ABTB3: variants seen among roughly 807,000 people sequenced by gnomAD.
ABTB3 encodes ankyrin repeat- and BTB/POZ domain-containing protein 3.
the ABTB3 span, among the ~76,000 whole-genome samples, chr12:107,409,141 T>C: frequency 6.6e-6 from 1 of 152,278 alleles, no homozygotes. Context: ...TCTCTCCGTC[T>C]CTCTTTCTGG....
At chr12:107,488,449 G>A in the ABTB3 span, among the ~76,000 whole-genome samples, 1 of 152,052 alleles carries the variant, frequency 6.6e-6, no homozygotes, top group African/African-American at 2.4e-5. Flanking sequence ...TACCTCATTG[G>A]AAAGGTGTAA....
At chr12:107,462,780 T>G in the ABTB3 span, among the ~76,000 whole-genome samples, 9 of 151,092 alleles carry the variant, frequency 6.0e-5, no homozygotes, top group Admixed American at 5.9e-4. Flanking sequence ...GTGATGATGA[T>G]GTAGTCACAG....
chr12:107,656,887 A>G, the ABTB3 span, among the ~76,000 whole-genome samples: 5 of 152,122 alleles, frequency 3.3e-5, no homozygotes, highest in African/African-American at 1.2e-4. Context: ...TTTCTAAGCC[A>G]GGTGCAGTGG....
the ABTB3 span, among the ~76,000 whole-genome samples, chr12:107,497,520 C>CCACCACCATCATCCCACAACCAACAG: frequency 6.6e-6 from 1 of 151,900 alleles, no homozygotes; most frequent in Non-Finnish European, 1.5e-5. Context: ...CCACACCATC[C>CCACCACCATCATCCCACAACCAACAG]CACCACCATC....
chr12:107,320,149 C>T, the ABTB3 span: 12 of 1,354,360 alleles, frequency 8.9e-6, no homozygotes, highest in Non-Finnish European at 5.8e-6. Flanking sequence ...CCTCGCGTCC[C>T]CCTCCCGCGT....
chr12:107,654,785 A>T, the ABTB3 span, among the ~76,000 whole-genome samples: 1 of 150,186 alleles, frequency 6.7e-6, no homozygotes, highest in Non-Finnish European at 1.5e-5. Flanking sequence ...GCTATCAGTA[A>T]ATCAAAAAGT....
chr12:107,350,814 C>G, the ABTB3 span, among the ~76,000 whole-genome samples: 1 of 152,190 alleles, frequency 6.6e-6, no homozygotes, highest in Non-Finnish European at 1.5e-5. Context: ...AACAGCATTA[C>G]TGAAGGGTCT....
the ABTB3 span, among the ~76,000 whole-genome samples, chr12:107,517,602 T>G: frequency 6.6e-6 from 1 of 152,202 alleles, no homozygotes; most frequent in Non-Finnish European, 1.5e-5. Context: ...TAAGTTGGAT[T>G]CCTAGGTATT....
chr12:107,526,016 G>A, the ABTB3 span, among the ~76,000 whole-genome samples: 2 of 152,090 alleles, frequency 1.3e-5, no homozygotes, highest in Non-Finnish European at 2.9e-5. Flanking sequence ...GTGCAAATCA[G>A]CTTTGTATTG....
the ABTB3 span, among the ~76,000 whole-genome samples, chr12:107,393,123 G>A: frequency 1.4e-4 from 22 of 152,300 alleles, no homozygotes; most frequent in South Asian, 3.3e-3. Context: ...ATACGTAGGT[G>A]ACTCAGGAAA....
the ABTB3 span, among the ~76,000 whole-genome samples, chr12:107,631,867 T>G: frequency 6.6e-6 from 1 of 152,240 alleles, no homozygotes; most frequent in Non-Finnish European, 1.5e-5. Context: ...GCTGAGGCAG[T>G]GTTTGTCGAG....
the ABTB3 span, among the ~76,000 whole-genome samples, chr12:107,321,603 C>CCACACACA: frequency 2.0e-3 from 174 of 85,468 alleles, no homozygotes; most frequent in African/African-American, 7.3e-3. Flanking sequence ...ATCTTCGAGG[C>CCACACACA]CACACACACA....
the ABTB3 span, among the ~76,000 whole-genome samples, chr12:107,359,215 T>A: frequency 6.6e-6 from 1 of 152,192 alleles, no homozygotes; most frequent in Admixed American, 6.5e-5. Flanking sequence ...GGCATGGAAG[T>A]GGGGCTGATG....
chr12:107,631,366 G>A, the ABTB3 span, among the ~76,000 whole-genome samples: 1 of 152,196 alleles, frequency 6.6e-6, no homozygotes, highest in East Asian at 1.9e-4. Flanking sequence ...GGACACCTTG[G>A]TTGATTCCAT....
chr12:107,395,821 C>G, the ABTB3 span, among the ~76,000 whole-genome samples: 3 of 152,216 alleles, frequency 2.0e-5, no homozygotes, highest in African/African-American at 4.8e-5. Flanking sequence ...CAGGAGGGAG[C>G]CAAGGCACAG....
chr12:107,514,546 C>G, the ABTB3 span, among the ~76,000 whole-genome samples: 1 of 152,160 alleles, frequency 6.6e-6, no homozygotes, highest in African/African-American at 2.4e-5. Context: ...CCACGGCTGC[C>G]CTTGACCCCA....
the ABTB3 span, chr12:107,615,026 G>C: frequency 6.4e-7 from 1 of 1,565,268 alleles, no homozygotes; most frequent in South Asian, 1.1e-5. Context: ...TATTGTGAAG[G>C]TCACATTTTG....
chr12:107,483,365 T>C, the ABTB3 span, among the ~76,000 whole-genome samples: 1 of 152,120 alleles, frequency 6.6e-6, no homozygotes, highest in Non-Finnish European at 1.5e-5. Flanking sequence ...ATTTTTATCC[T>C]TAGTTTTCCT....
At chr12:107,491,822 CAA>C in the ABTB3 span, among the ~76,000 whole-genome samples, 11 of 61,774 alleles carry the variant, frequency 1.8e-4, no homozygotes, top group Non-Finnish European at 2.2e-4. Context: ...GACTCTGTCT[CAA>C]AAAAAAAAAA....
Sources: gnomAD v4.1 joint callset for allele counts (sites outside exome capture counted in the v4.1 genomes callset) on GRCh38, gnomAD v4.1.1 for gene constraint, MANE v1.5 for transcripts, NCBI Gene and HGNC (gene_info 2026-07-23, HGNC 2026-07-21) for gene names.